Variants in HAUS7 observed in about 807,000 individuals in gnomAD.
The protein encoded by HAUS7 is HAUS augmin like complex subunit 7.
Under a neutral mutation model 28.4 loss-of-function variants are expected in HAUS7, and 3 were observed. That is an observed-to-expected ratio of 0.11 (90% CI 0.05 to 0.27). HAUS7 has a LOEUF of 0.27. Among genes scored for constraint, HAUS7 ranks in the 10% least tolerant of loss-of-function variants. HAUS7 has a pLI of 1.00. For synonymous variants in HAUS7, 165 were observed against 132.1 expected (o/e 1.25, Z -1.71); for missense variants, 284 against 297.3 (o/e 0.96, Z 0.33).
chrX:153,465,112 C>T, intron 2 of HAUS7, 57 bp from the exon 3 acceptor site: 7 of 810,780 alleles, frequency 8.6e-6, no homozygotes, highest in Non-Finnish European at 1.3e-5. Flanking sequence ...TCCCCCTGGG[C>T]CCTCTATACG....
intron 9 of HAUS7, among the ~76,000 whole-genome samples, chrX:153,452,959 C>T (rs2089257710): frequency 8.9e-6 from 1 of 111,771 alleles, no homozygotes; most frequent in Admixed American, 9.5e-5. Context: ...GGTGACAGAG[C>T]GAGACTCCAT....
intron 9 of HAUS7, among the ~76,000 whole-genome samples, 156 bp from the exon 10 acceptor site, chrX:153,448,065 A>G (rs1373691957): frequency 3.6e-5 from 4 of 110,678 alleles, no homozygotes; most frequent in Admixed American, 9.5e-5. Context: ...AGGACTATAA[A>G]TCATGCTGCT....
rs373741337 is a variant in HAUS7, at chrX:153,457,220, G to A, written c.363C>T (p.Ala121=). 351 of 1,184,154 alleles carry A rather than the reference G, an allele frequency of 3.0e-4. No homozygotes were observed. Among genetic ancestry groups the A allele is most frequent in the Middle Eastern group, 2.6e-3 (11 of 4,291 alleles). ...TGAAGTGTAGCTGCTTCTGGGCGCA[G>A]GCACAGCCCTGGGCAAGGAAGACCA... ...PDDQELLKGC[A]CAQKQLHFMD... Residue 121 remains alanine, a synonymous_variant, in exon 5 of 10, where the codon GCC becomes GCT. Coordinates refer to ENST00000370211, the MANE Select transcript of HAUS7 (RefSeq NM_001385482.1).
At chrX:153,462,164 T>C in intron 4 of HAUS7, 1 of 1,023,113 alleles carries the variant, frequency 9.8e-7, no homozygotes, top group Non-Finnish European at 1.3e-6. Flanking sequence ...AAAACAATTA[T>C]TTCAAAATTT....
chrX:153,464,732 G>A (rs1022026234), intron 3 of HAUS7, among the ~76,000 whole-genome samples: 2 of 112,292 alleles, frequency 1.8e-5, no homozygotes, highest in Non-Finnish European at 3.8e-5. Context: ...CTGACACAGG[G>A]AGACGGAACC....
intron 1 of HAUS7, among the ~76,000 whole-genome samples, chrX:153,469,880 G>A (rs1556984874): frequency 1.8e-5 from 2 of 111,209 alleles, no homozygotes; most frequent in Admixed American, 1.9e-4. Flanking sequence ...GGACCACTGA[G>A]CCAGTCGCGG....
intron 1 of HAUS7, among the ~76,000 whole-genome samples, chrX:153,483,947 A>C (rs971601139): frequency 2.7e-5 from 3 of 112,082 alleles, no homozygotes; most frequent in Non-Finnish European, 3.8e-5. Context: ...AGAGAAGTGC[A>C]TGCATGTCCT....
upstream of HAUS7, among the ~76,000 whole-genome samples, chrX:153,474,020 C>T (rs782052835): frequency 1.2e-4 from 14 of 112,329 alleles, no homozygotes; most frequent in Non-Finnish European, 1.7e-4. Flanking sequence ...ATGGAGAACA[C>T]GAAAGCAGGG....
At chrX:153,468,676 C>T (rs1275825755) in intron 2 of HAUS7, among the ~76,000 whole-genome samples, 2 of 112,412 alleles carry the variant, frequency 1.8e-5, no homozygotes, top group Non-Finnish European at 3.8e-5. Context: ...CAAGAGGTGA[C>T]ACTGCATGAG....
rs2089279505 is a variant in HAUS7 at position 153,454,527 on chromosome X, AGG to A, written c.931-21_931-20del. 1.4e-5 allele frequency: 1 copy of A among 73,406 alleles called. No homozygotes were observed. Among genetic ancestry groups the A allele is most frequent in the Non-Finnish European group, 2.6e-5 (1 of 38,575 alleles). 6.0% of individuals were successfully genotyped at this position (73,406 alleles called of 1,213,427 possible). A position where few individuals can be genotyped will look rare whatever the true frequency, so the allele number is the denominator to read the frequency against. On this transcript the variant is annotated intron_variant, in intron 8 of 9. Transcript: ENST00000370211. ...GCAGCAGCTGGGGAGGGAGGGAGGGAGGGAGGGAGGGAGGGAGGGAGCGAGCA... is the reference window on the plus strand; with the variant it reads ...GCAGCAGCTGGGGAGGGAGGGAGGGAGAGGGAGGGAGGGAGGGAGCGAGCA...
At chrX:153,455,516 AGAGGG>A in intron 8 of HAUS7, 21 bp downstream of exon 8, 1 of 985,665 alleles carries the variant, frequency 1.0e-6, no homozygotes. Context: ...GGGGGCGGTT[AGAGGG>A]GAGGGGAAGG....
At chrX:153,483,386 C>G in intron 1 of HAUS7, 5 of 755,736 alleles carry the variant, frequency 6.6e-6, no homozygotes, top group Non-Finnish European at 7.8e-6. Flanking sequence ...CGTGCTGGTG[C>G]TCAGCCACAA....
intron 1 of HAUS7, among the ~76,000 whole-genome samples, chrX:153,477,158 G>T (rs1411709937): frequency 4.4e-5 from 5 of 113,440 alleles, no homozygotes; most frequent in Non-Finnish European, 7.5e-5. Flanking sequence ...TCCTGCCTAG[G>T]TGGGTAGGAG....
At chrX:153,455,905 C>T (rs940305936) in intron 7 of HAUS7, 139 bp from the exon 8 acceptor site, 3 of 451,490 alleles carry the variant, frequency 6.6e-6, no homozygotes, top group East Asian at 3.7e-5. Flanking sequence ...CTGTACCGAG[C>T]GACTCAGGCC....
intron 1 of HAUS7, among the ~76,000 whole-genome samples, chrX:153,477,967 T>A (rs996414862): frequency 8.9e-6 from 1 of 112,326 alleles, no homozygotes; most frequent in Non-Finnish European, 1.9e-5. Context: ...TCTCACACAT[T>A]GCCTCATTGC....
Position 153,469,186 on chromosome X carries a change from A to C in HAUS7, c.184T>G (p.Ser62Ala). 1 of 1,196,476 alleles carries C rather than the reference A, an allele frequency of 8.4e-7. No individual in the cohort carries two copies. Among genetic ancestry groups the C allele is most frequent in the South Asian group, 1.8e-5 (1 of 56,658 alleles). ...KTIQELLCSP[S>A]EYRLEILEWM... Reference sequence around the variant, plus strand: ...TCTAGGATCTCCAAGCGGTACTCTGAGGGGCTGCACAGCAGTTCCTGAATT... The same window carrying C: ...TCTAGGATCTCCAAGCGGTACTCTGCGGGGCTGCACAGCAGTTCCTGAATT... The change falls in exon 2 of 10, where the codon TCA becomes GCA. Residue 62 changes from serine to alanine, a missense_variant. Physicochemically the swap from Ser to Ala is moderately conservative, Grantham distance 99. Coordinates refer to ENST00000370211, the MANE Select transcript of HAUS7 (RefSeq NM_001385482.1).
chrX:153,455,816 G>C, intron 7 of HAUS7, 50 bp from the exon 8 acceptor site: 1 of 763,116 alleles, frequency 1.3e-6, no homozygotes, highest in African/African-American at 2.0e-5. Flanking sequence ...CCACCAGCCA[G>C]GCTGCCACCG....
rs2089489939 is a variant in HAUS7 at position 153,469,209 on chromosome X, A to G, written c.161T>C (p.Ile54Thr). 8.3e-7 allele frequency: 1 copy of G among 1,199,264 alleles called. No individual in the cohort carries two copies. Among genetic ancestry groups the G allele is most frequent in the South Asian group, 1.8e-5 (1 of 56,631 alleles). ...EGLYITEPKT[I>T]QELLCSPSEY... The stretch of plus-strand genomic sequence containing the variant: ...TGAGGGGCTGCACAGCAGTTCCTGA[A>G]TTGTCTTTGGCTCTGTGATATACAG... The change falls in exon 2 of 10, where the codon ATT becomes ACT. Residue 54 changes from isoleucine (I) to threonine (T), a missense_variant. Physicochemically the swap from Ile to Thr is moderately conservative, Grantham distance 89 (BLOSUM62 -1). Coordinates refer to ENST00000370211, the MANE Select transcript of HAUS7 (RefSeq NM_001385482.1).
rs1367394905 is a variant in HAUS7, at chrX:153,454,286, AAAG to A, written c.1045+105_1045+107del. The A allele has an allele frequency of 1.7e-5, 8 of 480,828 alleles. No homozygotes were observed. In the African/African-American group the frequency reaches 2.0e-4, roughly 12 times the overall value. The allele number at this position is 480,828 out of a possible 1,213,427, so 39.6% of individuals were successfully genotyped here. A position where few individuals can be genotyped will look rare whatever the true frequency, so the allele number is the denominator to read the frequency against. On this transcript the variant is annotated intron_variant, in intron 9 of 9. Coordinates refer to ENST00000370211, the MANE Select transcript of HAUS7 (RefSeq NM_001385482.1). Reference sequence around the variant, plus strand: ...AACATGCATTAGAAAATGAAAAACAAAAGAAGGGGCCGGTCCCCAAATGCTCCT... The same window carrying A: ...AACATGCATTAGAAAATGAAAAACAAAAGGGGCCGGTCCCCAAATGCTCCT...
Sources: allele counts gnomAD v4.1 joint callset (sites outside exome capture counted in the v4.1 genomes callset), GRCh38; gene constraint gnomAD v4.1.1; transcripts MANE v1.5; gene names NCBI Gene and HGNC (gene_info 2026-07-23, HGNC 2026-07-21).